AK5: variants seen among roughly 807,000 people sequenced by gnomAD.
AK5 encodes the protein adenylate kinase isoenzyme 5.
A neutral mutation model predicts 69.5 loss-of-function variants in AK5; 27 were observed. The observed-to-expected ratio is 0.39, with a 90% CI of 0.29 to 0.54. The LOEUF is 0.54. Ranked by LOEUF, AK5 falls within the 20% of genes least tolerant of loss-of-function variation. The pLI is 0.71. For missense variants in AK5, 531 were observed against 700.4 expected, an observed-to-expected ratio of 0.76 and a Z score of 2.73; for synonymous variants, 260 against 244.4, an observed-to-expected ratio of 1.06 and a Z score of -0.60.
intron 6 of AK5, among the ~76,000 whole-genome samples, chr1:77,387,429 T>A (rs938429589): frequency 1.3e-5 from 2 of 152,158 alleles, no homozygotes; most frequent in African/African-American, 4.8e-5. Flanking sequence ...TTCTAGAATG[T>A]CATTATAATC....
intron 13 of AK5, among the ~76,000 whole-genome samples, chr1:77,556,677 C>G (rs945149481): frequency 2.6e-5 from 4 of 152,132 alleles, no homozygotes; most frequent in African/African-American, 9.7e-5. Flanking sequence ...CCTCTGGAAG[C>G]AGTGAAAGCC....
At chr1:77,497,195 T>G (rs1656384301) in intron 10 of AK5, among the ~76,000 whole-genome samples, 2 of 152,148 alleles carry the variant, frequency 1.3e-5, no homozygotes, top group African/African-American at 4.8e-5. Context: ...CGTGCCACCC[T>G]TAAGAGCTGT....
intron 13 of AK5, among the ~76,000 whole-genome samples, chr1:77,538,096 GGGAGGCCAAGACA>G (rs1659066847): frequency 6.6e-6 from 1 of 152,106 alleles, no homozygotes; most frequent in Non-Finnish European, 1.5e-5. Context: ...CCAGTTCTTT[GGGAGGCCAAGACA>G]GGAGGATTAC....
At chr1:77,506,025 AAATCTGG>A (rs1297319297) in intron 10 of AK5, among the ~76,000 whole-genome samples, 2 of 152,224 alleles carry the variant, frequency 1.3e-5, no homozygotes, top group East Asian at 3.8e-4. Context: ...GTGTGTTTAA[AAATCTGG>A]AAGAGGCAGG....
At chr1:77,328,400 T>A (rs950659218) in intron 5 of AK5, among the ~76,000 whole-genome samples, 1 of 151,670 alleles carries the variant, frequency 6.6e-6, no homozygotes, top group African/African-American at 2.4e-5. Flanking sequence ...CTCAGGAGGC[T>A]GAGGCAGGAG....
intron 2 of AK5, among the ~76,000 whole-genome samples, chr1:77,292,008 G>A (rs760345298): frequency 2.0e-5 from 3 of 152,198 alleles, no homozygotes; most frequent in Non-Finnish European, 4.4e-5. Flanking sequence ...GCAGTTGATT[G>A]TGGTGGCAAG....
chr1:77,349,392 A>G (rs1662080594), intron 6 of AK5: 1 of 152,226 alleles, frequency 6.6e-6, no homozygotes, highest in South Asian at 2.1e-4. Context: ...TCCATTTTGT[A>G]AATGAGAAAA....
chr1:77,556,187 C>A (rs1394008324), intron 13 of AK5, among the ~76,000 whole-genome samples: 1 of 152,162 alleles, frequency 6.6e-6, no homozygotes, highest in East Asian at 1.9e-4. Context: ...AACCACCATG[C>A]AGGAAAAGAA....
intron 10 of AK5, among the ~76,000 whole-genome samples, chr1:77,494,394 A>C (rs2100742742): frequency 6.6e-6 from 1 of 152,266 alleles, no homozygotes; most frequent in African/African-American, 2.4e-5. Flanking sequence ...ACTCTGAATG[A>C]TCAGGGGGCA....
At chr1:77,379,009 G>T (rs1190068082) in intron 6 of AK5, among the ~76,000 whole-genome samples, 1 of 152,198 alleles carries the variant, frequency 6.6e-6, no homozygotes, top group Non-Finnish European at 1.5e-5. Flanking sequence ...GAGACAACAT[G>T]CTGGGTTGCT....
At chr1:77,282,815 G>C in intron 1 of AK5, 1 of 991,276 alleles carries the variant, frequency 1.0e-6, no homozygotes, top group Non-Finnish European at 1.2e-6. Context: ...AACCCCTGGG[G>C]GAAAGAGGAA....
chr1:77,435,455 G>C (rs774669382), intron 8 of AK5, among the ~76,000 whole-genome samples: 1 of 151,918 alleles, frequency 6.6e-6, no homozygotes, highest in African/African-American at 2.4e-5. Flanking sequence ...CGAGACCATC[G>C]TGGCCTACAT....
intron 8 of AK5, among the ~76,000 whole-genome samples, chr1:77,477,812 A>G (rs1482682277): frequency 6.6e-6 from 1 of 152,162 alleles, no homozygotes; most frequent in African/African-American, 2.4e-5. Context: ...ACCCCATTTG[A>G]AGTTACACAT....
Position 77,494,430 on chromosome 1 carries a change from G to C in AK5, c.1147+8078G>C, listed in dbSNP as rs551897328. On this transcript the variant is annotated intron_variant, in intron 10 of 13. Transcript: ENST00000354567. ...GTAGCAGATGCTGCAGGATCTAGCA[G>C]GCCCCAGCACTGGAGAGGAGAGAAT... Among the ~76,000 whole-genome samples the C allele has an allele frequency of 2.6e-5, 4 of 152,282 alleles. No individual in the cohort carries two copies. The South Asian group carries it at 8.3e-4, about 32-fold the overall frequency.
chr1:77,363,235 A>G (rs957990369), intron 6 of AK5, among the ~76,000 whole-genome samples: 2 of 152,064 alleles, frequency 1.3e-5, no homozygotes, highest in Non-Finnish European at 2.9e-5. Flanking sequence ...CTATCCTTCT[A>G]TAGGAGTCTG....
chr1:77,335,732 C>G (rs914152146), intron 5 of AK5, among the ~76,000 whole-genome samples: 4 of 152,200 alleles, frequency 2.6e-5, no homozygotes, highest in Admixed American at 2.0e-4. Flanking sequence ...CTGATTACGC[C>G]TACCTGCTGT....
At chr1:77,364,252 CAT>C (rs1409319600) in intron 6 of AK5, among the ~76,000 whole-genome samples, 1 of 152,024 alleles carries the variant, frequency 6.6e-6, no homozygotes, top group Non-Finnish European at 1.5e-5. Context: ...TTTTAATTGA[CAT>C]ATAATAATTG....
intron 6 of AK5, among the ~76,000 whole-genome samples, chr1:77,402,048 C>T (rs997551798): frequency 3.3e-5 from 5 of 152,170 alleles, no homozygotes; most frequent in Non-Finnish European, 5.9e-5. Context: ...ATAACAATTA[C>T]CTAAAACATA....
chr1:77,512,807 A>G (rs1657425353), intron 10 of AK5, among the ~76,000 whole-genome samples: 1 of 152,204 alleles, frequency 6.6e-6, no homozygotes, highest in Non-Finnish European at 1.5e-5. Flanking sequence ...AATGTGGCAC[A>G]TATACACCAT....
Sources: allele counts gnomAD v4.1 joint callset (sites outside exome capture counted in the v4.1 genomes callset), GRCh38; gene constraint gnomAD v4.1.1; transcripts MANE v1.5; gene names NCBI Gene and HGNC (gene_info 2026-07-23, HGNC 2026-07-21).